SOX6: variants seen among roughly 807,000 people sequenced by gnomAD.
SOX6 encodes transcription factor SOX-6.
A neutral mutation model predicts 97.8 loss-of-function variants in SOX6; 11 were observed. That is an observed-to-expected ratio of 0.11 (90% CI 0.07 to 0.19). The LOEUF (loss-of-function observed/expected upper bound fraction) is 0.19. Among genes scored for constraint, SOX6 ranks in the 10% least tolerant of loss-of-function variants. SOX6 has a pLI of 1.00. For missense variants in SOX6, 810 were observed against 1,039.5 expected (o/e 0.78, Z 3.04); for synonymous variants, 360 against 371.4 (o/e 0.97, Z 0.35).
intron 4 of SOX6, among the ~76,000 whole-genome samples, chr11:16,595,780 C>A (rs909102241): frequency 6.6e-6 from 1 of 151,874 alleles, no homozygotes; most frequent in Non-Finnish European, 1.5e-5. Flanking sequence ...CTTAAAAACA[C>A]AAACAAACAA....
At chr11:16,204,617 G>T (rs1307220059) in intron 4 of SOX6, among the ~76,000 whole-genome samples, 1 of 152,094 alleles carries the variant, frequency 6.6e-6, no homozygotes, top group Non-Finnish European at 1.5e-5. Flanking sequence ...CAGCTTATTT[G>T]TTCTCTACTA....
intron 1 of SOX6, among the ~76,000 whole-genome samples, chr11:16,378,064 G>T (rs954236331): frequency 2.0e-5 from 3 of 152,054 alleles, no homozygotes; most frequent in African/African-American, 7.2e-5. Flanking sequence ...AAATTTATAT[G>T]TTAAATATGT....
At chr11:16,099,951 C>T (rs1223441245) in intron 7 of SOX6, among the ~76,000 whole-genome samples, 1 of 151,514 alleles carries the variant, frequency 6.6e-6, no homozygotes, top group Non-Finnish European at 1.5e-5. Flanking sequence ...AAAATGAATA[C>T]ATTAGAGCAA....
intron 1 of SOX6, among the ~76,000 whole-genome samples, chr11:16,447,475 GTCTC>G (rs963931494): frequency 3.6e-5 from 4 of 110,888 alleles, no homozygotes; most frequent in South Asian, 2.9e-4. Flanking sequence ...TTCTTTCTTT[GTCTC>G]TCTCTCTCTC....
At chr11:16,657,558 A>G (rs922885100) in intron 3 of SOX6, among the ~76,000 whole-genome samples, 3 of 152,250 alleles carry the variant, frequency 2.0e-5, no homozygotes, top group Non-Finnish European at 4.4e-5. Context: ...TTGCATTCCA[A>G]TGAACAATGA....
chr11:16,053,507 A>G (rs1847734355), intron 10 of SOX6, among the ~76,000 whole-genome samples: 1 of 152,162 alleles, frequency 6.6e-6, no homozygotes, highest in African/African-American at 2.4e-5. Flanking sequence ...AATACTCACT[A>G]TAATACTAGA....
rs1417143903 is a variant in SOX6, at chr11:15,971,763, T to C, written c.*1046A>G. ...AAGGAGGTGAAAAGGACGGAAAAGTTCTTCGGGGAAGGAAGGTGAAAAACA... is the reference window on the plus strand; with the variant it reads ...AAGGAGGTGAAAAGGACGGAAAAGTCCTTCGGGGAAGGAAGGTGAAAAACA... On this transcript the variant is annotated 3_prime_UTR_variant, in exon 16 of 16. Coordinates refer to ENST00000683767, the MANE Select transcript of SOX6 (RefSeq NM_001367873.1). The C allele has an allele frequency of 6.5e-6, 1 of 152,710 alleles. No homozygotes were observed. 9.5% of individuals were successfully genotyped at this position (152,710 alleles called of 1,614,324 possible). A position where few individuals can be genotyped will look rare whatever the true frequency, so the allele number is the denominator to read the frequency against.
At chr11:15,986,536 T>G in intron 14 of SOX6, 116 bp from the exon 15 acceptor site, 1 of 908,024 alleles carries the variant, frequency 1.1e-6, no homozygotes. Flanking sequence ...TGGCTCCAAT[T>G]CCCACATACC....
chr11:16,506,281 G>A (rs1044662556), intron 4 of SOX6, among the ~76,000 whole-genome samples: 3 of 152,218 alleles, frequency 2.0e-5, no homozygotes, highest in African/African-American at 7.2e-5. Context: ...ACAAGGAGTT[G>A]AAGGAGATTA....
intron 2 of SOX6, among the ~76,000 whole-genome samples, chr11:16,331,869 C>T (rs2134325097): frequency 6.6e-6 from 1 of 152,246 alleles, no homozygotes; most frequent in African/African-American, 2.4e-5. Context: ...AACATACAAC[C>T]TTGGACTGAT....
At chr11:16,675,959 T>G (rs1055344028) in intron 3 of SOX6, among the ~76,000 whole-genome samples, 2 of 152,238 alleles carry the variant, frequency 1.3e-5, no homozygotes, top group Non-Finnish European at 2.9e-5. Flanking sequence ...ATGTATAGCT[T>G]TATGTCTTTT....
intron 2 of SOX6, among the ~76,000 whole-genome samples, chr11:16,333,557 C>T (rs902286947): frequency 1.3e-5 from 2 of 151,792 alleles, no homozygotes; most frequent in African/African-American, 2.4e-5. Context: ...CCAAGATTAG[C>T]TTCCATTGAT....
chr11:16,346,870 G>A (rs1856789752), intron 1 of SOX6, among the ~76,000 whole-genome samples: 2 of 152,022 alleles, frequency 1.3e-5, no homozygotes, highest in Non-Finnish European at 2.9e-5. Context: ...ACTTTTCTAA[G>A]GGTCCAATTT....
chr11:16,479,390 T>C (rs1860305365), upstream of SOX6, among the ~76,000 whole-genome samples: 2 of 151,702 alleles, frequency 1.3e-5, no homozygotes, highest in South Asian at 4.2e-4. Flanking sequence ...ATCAGCCGGG[T>C]GTGGTGGTGC....
At chr11:16,388,276 G>T (rs1055567398) in intron 1 of SOX6, among the ~76,000 whole-genome samples, 1 of 152,094 alleles carries the variant, frequency 6.6e-6, no homozygotes, top group South Asian at 2.1e-4. Context: ...AACCCTACTT[G>T]GTCGTGATAT....
intron 3 of SOX6, among the ~76,000 whole-genome samples, chr11:16,703,222 G>A (rs542241221): frequency 6.6e-6 from 1 of 152,178 alleles, no homozygotes; most frequent in South Asian, 2.1e-4. Flanking sequence ...TAACGTCTAT[G>A]AGGGTATCTC....
intron 13 of SOX6, among the ~76,000 whole-genome samples, chr11:16,011,753 G>C (rs181131895): frequency 2.0e-4 from 31 of 152,142 alleles, no homozygotes; most frequent in Admixed American, 9.8e-4. Context: ...GGTAGACATG[G>C]GGGGAGGGCA....
At chr11:16,306,582 T>C (rs1201456988) in intron 3 of SOX6, among the ~76,000 whole-genome samples, 2 of 151,964 alleles carry the variant, frequency 1.3e-5, no homozygotes, top group Non-Finnish European at 2.9e-5. Flanking sequence ...ATAAAAATCT[T>C]GTCCTGAGAT....
At chr11:16,509,722 G>T (rs1860848904) in intron 4 of SOX6, among the ~76,000 whole-genome samples, 1 of 151,830 alleles carries the variant, frequency 6.6e-6, no homozygotes, top group Admixed American at 6.6e-5. Context: ...TTTTAATCGG[G>T]CATATTGAGC....
Sources: gnomAD v4.1 joint callset for allele counts (sites outside exome capture counted in the v4.1 genomes callset) on GRCh38, gnomAD v4.1.1 for gene constraint, MANE v1.5 for transcripts, NCBI Gene and HGNC (gene_info 2026-07-23, HGNC 2026-07-21) for gene names.